Variants in PREX2 observed in about 807,000 individuals in gnomAD.
PREX2 encodes the protein phosphatidylinositol 3,4,5-trisphosphate-dependent Rac exchanger 2 protein.
A neutral mutation model predicts 203.2 loss-of-function variants in PREX2; 107 were observed. The observed-to-expected ratio is 0.53, with a 90% CI of 0.45 to 0.62. The LOEUF (loss-of-function observed/expected upper bound fraction) is 0.62. Ranked by LOEUF, PREX2 falls within the 20% of genes least tolerant of loss-of-function variation. The pLI is 0.00. For synonymous variants in PREX2, 672 were observed against 663.6 expected (o/e 1.01, Z -0.19); for missense variants, 1,777 against 1,955.9 (o/e 0.91, Z 1.72).
intron 37 of PREX2, among the ~76,000 whole-genome samples, chr8:68,198,164 C>T (rs1812436041): frequency 6.6e-6 from 1 of 152,168 alleles, no homozygotes; most frequent in South Asian, 2.1e-4. Context: ...TTCACCCTTG[C>T]CATGTCTGCA....
intron 1 of PREX2, among the ~76,000 whole-genome samples, chr8:68,007,671 G>T (rs907413576): frequency 1.3e-5 from 2 of 152,186 alleles, no homozygotes; most frequent in Non-Finnish European, 2.9e-5. Flanking sequence ...GTGCAGTGGC[G>T]CCATCTTGGC....
chr8:67,989,980 C>G (rs1806548954), intron 1 of PREX2, among the ~76,000 whole-genome samples: 1 of 152,058 alleles, frequency 6.6e-6, no homozygotes, highest in Non-Finnish European at 1.5e-5. Context: ...AAAATGTAAA[C>G]CTCTGGAGTG....
chr8:68,026,411 GT>G (rs1807715590), intron 4 of PREX2, among the ~76,000 whole-genome samples: 1 of 152,110 alleles, frequency 6.6e-6, no homozygotes, highest in Admixed American at 6.6e-5. Flanking sequence ...TCTTCCCTCT[GT>G]TAGATATTTA....
chr8:68,034,503 A>T (rs2129610608), intron 6 of PREX2, among the ~76,000 whole-genome samples: 1 of 152,306 alleles, frequency 6.6e-6, no homozygotes, highest in East Asian at 1.9e-4. Context: ...CTTGTTTGGA[A>T]TTGATCTCTC....
rs761716752 is a variant in PREX2 at position 68,192,431 on chromosome 8, A to C, written c.4510A>C (p.Ser1504Arg). The change falls in exon 37 of 40, where the codon AGT becomes CGT. Residue 1504 changes from serine to arginine, a missense_variant. By Grantham distance (110) the Ser-to-Arg change is moderately radical. Transcript: ENST00000288368. ...AGCTGCCTGTGCAAACACAGCTTGCAGTGCTTCTGGGGTTGGACTGCTGTC... is the reference window on the plus strand; with the variant it reads ...AGCTGCCTGTGCAAACACAGCTTGCCGTGCTTCTGGGGTTGGACTGCTGTC... Reference protein sequence around the residue: ...RTAACANTACSASGVGLLSVS... With the variant: ...RTAACANTACRASGVGLLSVS... The C allele has an allele frequency of 5.6e-6, 9 of 1,614,048 alleles. No individual in the cohort carries two copies. Among genetic ancestry groups the C allele is most frequent in the Non-Finnish European group, 3.4e-6 (4 of 1,179,990 alleles).
chr8:68,192,223 T>C, intron 36 of PREX2, 112 bp from the exon 37 acceptor site: 1 of 770,436 alleles, frequency 1.3e-6, no homozygotes, highest in Middle Eastern at 3.1e-4. Flanking sequence ...CTAATTCCAT[T>C]ACCACCAAAA....
At chr8:68,215,158 TG>T (rs1364199469) in intron 37 of PREX2, among the ~76,000 whole-genome samples, 5 of 152,196 alleles carry the variant, frequency 3.3e-5, no homozygotes, top group African/African-American at 1.2e-4. Flanking sequence ...GGTAATTTGC[TG>T]CTGTACTGCT....
intron 14 of PREX2, among the ~76,000 whole-genome samples, chr8:68,072,872 AT>A (rs1286808440): frequency 6.6e-6 from 1 of 152,124 alleles, no homozygotes; most frequent in Non-Finnish European, 1.5e-5. Flanking sequence ...TTACTAAAAT[AT>A]TTTTATGTTT....
chr8:68,018,046 G>T, intron 2 of PREX2, 129 bp downstream of exon 2: 1 of 668,410 alleles, frequency 1.5e-6, no homozygotes, highest in Non-Finnish European at 2.7e-6. Context: ...CCAGTCAGTT[G>T]TATTGGTAAT....
Position 68,043,065 on chromosome 8 carries a change from A to C in PREX2, c.840-1422A>C, listed in dbSNP as rs10093981. Among the ~76,000 whole-genome samples the C allele has an allele frequency of 2.9e-3, 444 of 152,164 alleles. 2 individuals carry two copies. The highest frequency in any genetic ancestry group is 8.9e-3 in the African/African-American group (371 of 41,526). Reference sequence around the variant, plus strand: ...CTATTTTTCAAAACACCATGATATTATTTTCCAGCTGGAAATAATACCTGC... The same window carrying C: ...CTATTTTTCAAAACACCATGATATTCTTTTCCAGCTGGAAATAATACCTGC... On this transcript the variant is annotated intron_variant, in intron 7 of 39. Transcript: ENST00000288368.
At chr8:68,103,823 C>G (rs915925276) in intron 23 of PREX2, among the ~76,000 whole-genome samples, 1 of 152,144 alleles carries the variant, frequency 6.6e-6, no homozygotes, top group Non-Finnish European at 1.5e-5. Flanking sequence ...TATGCTGACT[C>G]CGCCTTTTCT....
chr8:68,053,243 A>G lies in PREX2; in HGVS notation c.1090A>G (p.Lys364Glu), dbSNP rs1347185205. 6.2e-7 allele frequency: 1 copy of G among 1,613,398 alleles called. No homozygotes were observed. The highest frequency in any genetic ancestry group is 2.2e-5 in the East Asian group (1 of 44,860). The change falls in exon 9 of 40, where the codon AAA becomes GAA. Residue 364 changes from lysine (K) to glutamate (E), a missense_variant. By Grantham distance (56) the Lys-to-Glu change is moderately conservative. Transcript: ENST00000288368. ...EAILKERERR[K>E]GLKLGMEQDT... ...TATTTTGAAAGAAAGAGAACGGCGG[A>G]AAGGTGGGTGTATGAATTGGGCGCT...
chr8:68,119,276 A>G (rs549579649), intron 27 of PREX2, among the ~76,000 whole-genome samples, 156 bp from the exon 28 acceptor site: 17 of 152,304 alleles, frequency 1.1e-4, no homozygotes, highest in Non-Finnish European at 1.8e-4. Context: ...GGAGCTATGA[A>G]ATCTTTTGGA....
chr8:68,115,021 C>CTTTTTTT (rs5892137), intron 25 of PREX2, among the ~76,000 whole-genome samples: 157 of 86,726 alleles, frequency 1.8e-3, no homozygotes, highest in East Asian at 3.7e-3. Flanking sequence ...TCTTTTCTTT[C>CTTTTTTT]TTTTTTTTTT....
chr8:68,114,138 A>C (rs1810593404), intron 25 of PREX2, among the ~76,000 whole-genome samples: 1 of 152,208 alleles, frequency 6.6e-6, no homozygotes, highest in East Asian at 1.9e-4. Context: ...CTGGGATTAC[A>C]GGCATGAGCC....
intron 37 of PREX2, among the ~76,000 whole-genome samples, chr8:68,209,611 T>C (rs1389016373): frequency 6.6e-6 from 1 of 151,984 alleles, no homozygotes; most frequent in Non-Finnish European, 1.5e-5. Context: ...TAAAGAACAG[T>C]GAAAATGAGG....
intron 38 of PREX2, 132 bp from the exon 39 acceptor site, chr8:68,224,427 G>T: frequency 1.4e-6 from 1 of 700,250 alleles, no homozygotes. Context: ...AGCGATGTCT[G>T]TCTTTCTCTT....
intron 30 of PREX2, among the ~76,000 whole-genome samples, chr8:68,123,065 C>A (rs1353534227): frequency 6.6e-6 from 1 of 152,016 alleles, no homozygotes; most frequent in Non-Finnish European, 1.5e-5. Flanking sequence ...CTTTGTTAAT[C>A]TTCTGCCTTG....
At chr8:67,988,952 A>G (rs929898303) in intron 1 of PREX2, among the ~76,000 whole-genome samples, 1 of 152,204 alleles carries the variant, frequency 6.6e-6, no homozygotes, top group Non-Finnish European at 1.5e-5. Flanking sequence ...AGAGTTTTCT[A>G]AATGTTTTTA....
Sources: gnomAD v4.1 joint callset for allele counts (sites outside exome capture counted in the v4.1 genomes callset) on GRCh38, gnomAD v4.1.1 for gene constraint, MANE v1.5 for transcripts, NCBI Gene and HGNC (gene_info 2026-07-23, HGNC 2026-07-21) for gene names.